Variants in DRC3 observed in about 807,000 individuals in gnomAD.
DRC3 encodes dynein regulatory complex subunit 3.
A neutral mutation model predicts 57.6 loss-of-function variants in DRC3; 45 were observed. That is an observed-to-expected ratio of 0.78 (90% confidence interval 0.62 to 1.00). DRC3 has a LOEUF of 1.00. Ranked by LOEUF, DRC3 falls within the 50% of genes least tolerant of loss-of-function variation. The probability of loss-of-function intolerance (pLI) is 0.00; values close to 1 mark genes in which losing one functional copy is unlikely to be tolerated. For synonymous variants in DRC3, 257 were observed against 272.3 expected (o/e 0.94, Z 0.55); for missense variants, 655 against 675.2 (o/e 0.97, Z 0.33).
chr17:17,977,858 G>C, intron 3 of DRC3, 100 bp downstream of exon 3: 1 of 1,311,324 alleles, frequency 7.6e-7, no homozygotes, highest in Non-Finnish European at 1.0e-6. Flanking sequence ...GTCCACGGTC[G>C]AGGTTCCCAC....
In DRC3 at chr17:17,993,114, C is replaced by G; in HGVS notation, c.591+203C>G. 3 of 565,888 alleles carry G rather than the reference C, an allele frequency of 5.3e-6. No homozygotes were observed. The East Asian group carries it at 9.6e-5, about 18-fold the overall frequency. The allele number at this position is 565,888 out of a possible 1,614,324, so 35.1% of individuals were successfully genotyped here. A position where few individuals can be genotyped will look rare whatever the true frequency, so the allele number is the denominator to read the frequency against. On this transcript the variant is annotated intron_variant, in intron 6 of 13. Transcript: ENST00000399187. ...TGTAAGTACTGTTTTGTGTGCGTTC[C>G]CAGGGGCCAGGCCTCTTCCACACAC...
At position 17,977,591 on chromosome 17, in the gene DRC3, G is replaced by T. The variant is rs200263097; in HGVS notation, c.-8G>T. 1.3e-5 allele frequency: 21 copies of T among 1,613,904 alleles called. No homozygotes were observed. The African/African-American group carries it at 2.0e-4, about 15-fold the overall frequency. On this transcript the variant is annotated 5_prime_UTR_variant, in exon 3 of 14. Transcript: ENST00000399187. ...ATGCGGTGTTTTTTAGGGAAAACGT[G>T]GGGGAAGATGAACCAGCCGTGCAAC...
Position 18,003,809 on chromosome 17 carries a change from ATT to A in DRC3, c.1000-540_1000-539del, listed in dbSNP as rs200063548. ...AGGCACCCGCCACCATGCCTGGCTA[ATT>A]TTTTTTTTTTTTTGTATTTTTAGTA... On this transcript the variant is annotated intron_variant, in intron 9 of 13. Transcript: ENST00000399187. Among the ~76,000 whole-genome samples the A allele has an allele frequency of 1.0e-3, 144 of 138,990 alleles. 1 individual carries two copies. The highest frequency in any genetic ancestry group is 6.5e-3 in the East Asian group (30 of 4,612). The allele number at this position is 138,990 out of a possible 152,430, so 91.2% of individuals were successfully genotyped here.
At chr17:17,989,955 T>C (rs116488480) in intron 5 of DRC3, among the ~76,000 whole-genome samples, 39 of 152,334 alleles carry the variant, frequency 2.6e-4, no homozygotes, top group African/African-American at 8.9e-4. Context: ...AGTGGCGTGA[T>C]AATTGGCACT....
chr17:17,997,240 T>G (rs759751758), intron 8 of DRC3, among the ~76,000 whole-genome samples: 2 of 152,206 alleles, frequency 1.3e-5, no homozygotes, highest in Middle Eastern at 3.4e-3. Flanking sequence ...AGGCTGAGGG[T>G]GGGGATGCAC....
chr17:17,993,841 A>C (rs1401518076), intron 6 of DRC3: 3 of 174,056 alleles, frequency 1.7e-5, no homozygotes, highest in Non-Finnish European at 3.7e-5. Flanking sequence ...CGGTGGAGAG[A>C]GCCAAGGGCC....
chr17:17,997,968 A>C (rs572450510), intron 9 of DRC3, among the ~76,000 whole-genome samples: 3 of 152,320 alleles, frequency 2.0e-5, no homozygotes, highest in East Asian at 3.9e-4. Context: ...GACCATTACT[A>C]TTTTGACAGT....
At chr17:17,995,672 A>T (rs560489528) in intron 8 of DRC3, 7 of 155,374 alleles carry the variant, frequency 4.5e-5, no homozygotes, top group African/African-American at 7.2e-5. Context: ...CCATCGATCA[A>T]TGGGCTTAAG....
intron 3 of DRC3, among the ~76,000 whole-genome samples, chr17:17,982,048 A>G (rs1194000819): frequency 1.3e-5 from 2 of 150,724 alleles, no homozygotes; most frequent in Admixed American, 6.6e-5. Flanking sequence ...GCTGGAGTTC[A>G]GTGGCGTAAT....
intron 11 of DRC3, 197 bp downstream of exon 11, chr17:18,006,450 T>A (rs1464628287): frequency 1.7e-6 from 1 of 596,336 alleles, no homozygotes; most frequent in East Asian, 2.8e-5. Context: ...GCTCCCAGCA[T>A]GATTGTTCTC....
At chr17:18,016,222 A>T in intron 13 of DRC3, 27 bp downstream of exon 13, 1 of 1,606,112 alleles carries the variant, frequency 6.2e-7, no homozygotes, top group Non-Finnish European at 8.5e-7. Context: ...CCATCCTAGC[A>T]GGCTGGATGA....
At chr17:17,993,611 C>T (rs1189365301) in intron 6 of DRC3, 2 of 152,752 alleles carry the variant, frequency 1.3e-5, no homozygotes, top group African/African-American at 4.8e-5. Flanking sequence ...CAGCTGAGCT[C>T]CAGAGGGAAC....
At chr17:18,000,103 T>TGA (rs915231226) in intron 9 of DRC3, among the ~76,000 whole-genome samples, 3 of 147,956 alleles carry the variant, frequency 2.0e-5, no homozygotes, top group African/African-American at 7.7e-5. Context: ...TGTGTGTGTG[T>TGA]GTGAGCATAG....
intron 2 of DRC3, among the ~76,000 whole-genome samples, chr17:17,974,258 C>T (rs1392114267): frequency 6.6e-6 from 1 of 152,238 alleles, no homozygotes; most frequent in Non-Finnish European, 1.5e-5. Flanking sequence ...AAATTTCTCC[C>T]ATCTACATCT....
At chr17:17,980,237 C>G (rs2042596162) in intron 3 of DRC3, among the ~76,000 whole-genome samples, 1 of 151,684 alleles carries the variant, frequency 6.6e-6, no homozygotes, top group South Asian at 2.1e-4. Context: ...GGCAGCTGGA[C>G]TGTATGTTTT....
intron 6 of DRC3, 42 bp downstream of exon 6, chr17:17,992,953 T>C (rs1180731839): frequency 6.2e-7 from 1 of 1,608,500 alleles, no homozygotes; most frequent in Admixed American, 1.7e-5. Context: ...GTGAGACAGA[T>C]TCCTCAAGCC....
At chr17:18,012,415 C>T (rs1297078065) in intron 12 of DRC3, among the ~76,000 whole-genome samples, 1 of 152,206 alleles carries the variant, frequency 6.6e-6, no homozygotes, top group Non-Finnish European at 1.5e-5. Context: ...CGCAGTGGCT[C>T]ATGCCTGTAA....
intron 2 of DRC3, among the ~76,000 whole-genome samples, chr17:17,975,174 AATC>A (rs1048596636): frequency 1.6e-4 from 24 of 151,864 alleles, no homozygotes; most frequent in African/African-American, 5.8e-4. Context: ...AAAGTTTTGA[AATC>A]AAAATTAAGA....
At chr17:18,003,724 G>A (rs1363393617) in intron 9 of DRC3, among the ~76,000 whole-genome samples, 2 of 136,976 alleles carry the variant, frequency 1.5e-5, no homozygotes, top group Non-Finnish European at 3.1e-5. Flanking sequence ...CTCACTGCAA[G>A]CCCCACCTCC....
Sources: gnomAD v4.1 joint callset for allele counts (sites outside exome capture counted in the v4.1 genomes callset) on GRCh38, gnomAD v4.1.1 for gene constraint, MANE v1.5 for transcripts, NCBI Gene and HGNC (gene_info 2026-07-23, HGNC 2026-07-21) for gene names.